The following FAM161A variants were observed in gnomAD, a reference collection of about 807,000 sequenced individuals.
FAM161A encodes protein FAM161A.
FAM161A carries 57 observed loss-of-function variants against 70.9 expected under a neutral mutation model. The observed-to-expected ratio is 0.80, with a 90% CI of 0.65 to 1.00. The LOEUF (loss-of-function observed/expected upper bound fraction) is 1.00, where lower values mean the gene tolerates loss of function less well. Among genes scored for constraint, FAM161A ranks in the 50% least tolerant of loss-of-function variants. FAM161A has a pLI of 0.00. For missense variants in FAM161A, 880 were observed against 836.0 expected, an observed-to-expected ratio of 1.05 and a Z score of -0.65; for synonymous variants, 299 against 295.7, an observed-to-expected ratio of 1.01 and a Z score of -0.12.
chr2:61,803,936 A>G, the FAM161A span, among the ~76,000 whole-genome samples: 1 of 152,226 alleles, frequency 6.6e-6, no homozygotes, highest in African/African-American at 2.4e-5. Flanking sequence ...TGCCCAAGAA[A>G]GAATTCAGGG....
chr2:61,818,292 G>T, the FAM161A span, among the ~76,000 whole-genome samples: 1 of 152,160 alleles, frequency 6.6e-6, no homozygotes, highest in Non-Finnish European at 1.5e-5. Flanking sequence ...CTGGCCTCAA[G>T]TGATCCACCC....
At chr2:61,801,712 C>T in the FAM161A span, among the ~76,000 whole-genome samples, 1 of 151,942 alleles carries the variant, frequency 6.6e-6, no homozygotes, top group Non-Finnish European at 1.5e-5. Flanking sequence ...AGACACGTGC[C>T]ACCACGCCTG....
chr2:61,815,626 C>T, the FAM161A span, among the ~76,000 whole-genome samples: 3 of 138,638 alleles, frequency 2.2e-5, no homozygotes, highest in Admixed American at 1.6e-4. Context: ...TCTCAGCTCA[C>T]TGCAACCTTC....
chr2:61,849,406 G>A (rs1450723594), intron 1 of FAM161A, among the ~76,000 whole-genome samples: 1 of 151,492 alleles, frequency 6.6e-6, no homozygotes, highest in Non-Finnish European at 1.5e-5. Flanking sequence ...ATGGGAGGCC[G>A]AGGAGGGCGA....
chr2:61,834,519 A>G (rs1672700374), intron 5 of FAM161A, among the ~76,000 whole-genome samples: 1 of 151,400 alleles, frequency 6.6e-6, no homozygotes, highest in African/African-American at 2.4e-5. Flanking sequence ...CTGGAGTGCA[A>G]TGACGCAATC....
chr2:61,843,315 C>T (rs190962587), intron 1 of FAM161A, among the ~76,000 whole-genome samples: 49 of 152,136 alleles, frequency 3.2e-4, no homozygotes, highest in African/African-American at 1.1e-3. Context: ...TTAGTAGAGA[C>T]GGGGTTTCAC....
At chr2:61,840,624 G>T in intron 2 of FAM161A, 43 bp from the exon 3 acceptor site, 2 of 1,366,584 alleles carry the variant, frequency 1.5e-6, no homozygotes, top group South Asian at 1.2e-5. Flanking sequence ...AGTTGTATGT[G>T]ACCAAATATA....
intron 1 of FAM161A, chr2:61,846,805 C>A: frequency 2.6e-6 from 1 of 387,686 alleles, no homozygotes; most frequent in African/African-American, 2.1e-5. Flanking sequence ...TTGTGTCAGT[C>A]TAGCAACGGT....
downstream of FAM161A, among the ~76,000 whole-genome samples, chr2:61,823,499 G>C (rs560985386): frequency 6.6e-6 from 1 of 151,348 alleles, no homozygotes; most frequent in African/African-American, 2.4e-5. Flanking sequence ...CGAGTATCTG[G>C]GACTACTTGG....
At chr2:61,811,374 T>TTTAG in the FAM161A span, among the ~76,000 whole-genome samples, 2 of 151,752 alleles carry the variant, frequency 1.3e-5, no homozygotes, top group Admixed American at 1.3e-4. Flanking sequence ...ATTTTTTTAT[T>TTTAG]TTATTTATTT....
At position 61,842,382 on chromosome 2, in the gene FAM161A, A is replaced by G. The variant is rs767728585; in HGVS notation, c.184-22T>C. 63 of 1,432,500 alleles carry G rather than the reference A, an allele frequency of 4.4e-5. No homozygotes were observed. The African/African-American group carries it at 8.1e-4, about 18-fold the overall frequency. 88.7% of individuals were successfully genotyped at this position (1,432,500 alleles called of 1,614,324 possible). A position where few individuals can be genotyped will look rare whatever the true frequency, so the allele number is the denominator to read the frequency against. On this transcript the variant is annotated intron_variant, in intron 1 of 6. Coordinates refer to ENST00000404929, the MANE Select transcript of FAM161A (RefSeq NM_001201543.2). ...CAGCCTGGTGGGGAGAAAACACTTG[A>G]TATATAGTGACTGGAGCTGAAAGAC...
downstream of FAM161A, among the ~76,000 whole-genome samples, chr2:61,824,594 A>G (rs1407487426): frequency 6.6e-6 from 1 of 152,122 alleles, no homozygotes; most frequent in Non-Finnish European, 1.5e-5. Flanking sequence ...GATAGGTAAT[A>G]TTCCCATTTT....
At position 61,832,520 on chromosome 2, in the gene FAM161A, T is replaced by C. The variant is rs558643417; in HGVS notation, c.1851+3490A>G. Among the ~76,000 whole-genome samples the C allele has an allele frequency of 3.3e-5, 5 of 152,222 alleles. No homozygotes were observed. The South Asian group carries it at 1.0e-3, about 32-fold the overall frequency. On this transcript the variant is annotated intron_variant, in intron 5 of 6. Coordinates refer to ENST00000404929, the MANE Select transcript of FAM161A (RefSeq NM_001201543.2). The stretch of plus-strand genomic sequence containing the variant: ...ATCTAACTACTCCCCAGTATAACAG[T>C]GAAAAAGTCCTAAGATGTCGTTTAT...
rs1413740329 is a variant in FAM161A, at chr2:61,826,109, C to A, written c.*346G>T. ...AACCACCAAAGACCAATACTTCTCT[C>A]TCCTTTCAATACTAAGCCATTTTTT... On this transcript the variant is annotated 3_prime_UTR_variant, in exon 7 of 7. Transcript: ENST00000404929. 2.1e-6 allele frequency: 1 copy of A among 477,064 alleles called. No individual in the cohort carries two copies. The highest frequency in any genetic ancestry group is 1.5e-5 in the South Asian group (1 of 64,578). 29.6% of individuals were successfully genotyped at this position (477,064 alleles called of 1,614,324 possible). A position where few individuals can be genotyped will look rare whatever the true frequency, so the allele number is the denominator to read the frequency against.
At chr2:61,826,653 TAAAC>T in intron 6 of FAM161A, 54 bp from the exon 7 acceptor site, 1 of 1,496,530 alleles carries the variant, frequency 6.7e-7, no homozygotes, top group Non-Finnish European at 9.2e-7. Context: ...GGTTTAAAGG[TAAAC>T]AAACCCTCTG....
At chr2:61,853,073 G>A (rs1275583294) in intron 1 of FAM161A, among the ~76,000 whole-genome samples, 3 of 151,410 alleles carry the variant, frequency 2.0e-5, no homozygotes, top group Non-Finnish European at 4.4e-5. Context: ...CACCACGCCC[G>A]GCTAAATTTT....
the FAM161A span, among the ~76,000 whole-genome samples, chr2:61,809,959 G>A: frequency 7.9e-5 from 12 of 152,172 alleles, no homozygotes; most frequent in Non-Finnish European, 1.5e-4. Flanking sequence ...CTGACAGCTA[G>A]TGTCTACCAT....
intron 1 of FAM161A, among the ~76,000 whole-genome samples, chr2:61,843,316 G>A (rs1048890061): frequency 3.9e-5 from 6 of 151,988 alleles, no homozygotes; most frequent in African/African-American, 7.2e-5. Flanking sequence ...TAGTAGAGAC[G>A]GGGTTTCACC....
At chr2:61,802,322 C>T in the FAM161A span, among the ~76,000 whole-genome samples, 1 of 152,158 alleles carries the variant, frequency 6.6e-6, no homozygotes. Context: ...AAGCTGATCT[C>T]ACCTCCAGCA....
Sources: allele counts gnomAD v4.1 joint callset (sites outside exome capture counted in the v4.1 genomes callset), GRCh38; gene constraint gnomAD v4.1.1; transcripts MANE v1.5; gene names NCBI Gene and HGNC (gene_info 2026-07-23, HGNC 2026-07-21).